PTPRN2: variants seen among roughly 807,000 people sequenced by gnomAD.
PTPRN2 encodes receptor-type tyrosine-protein phosphatase N2.
A neutral mutation model predicts 118.8 loss-of-function variants in PTPRN2; 74 were observed. The observed-to-expected ratio is 0.62, with a 90% CI of 0.52 to 0.76. The LOEUF (loss-of-function observed/expected upper bound fraction) is 0.76. Among genes scored for constraint, PTPRN2 ranks in the 30% least tolerant of loss-of-function variants. PTPRN2 has a pLI of 0.00. For synonymous variants in PTPRN2, 641 were observed against 608.0 expected (o/e 1.05, Z -0.80); for missense variants, 1,481 against 1,394.4 (o/e 1.06, Z -0.99).
chr7:158,285,004 G>A (rs575796732), intron 3 of PTPRN2, among the ~76,000 whole-genome samples: 1 of 152,292 alleles, frequency 6.6e-6, no homozygotes, highest in African/African-American at 2.4e-5. Context: ...GGTACAAAAA[G>A]GATGACAGGA....
intron 12 of PTPRN2, among the ~76,000 whole-genome samples, chr7:157,683,970 T>C (rs1797038724): frequency 6.6e-6 from 1 of 152,062 alleles, no homozygotes; most frequent in Non-Finnish European, 1.5e-5. Flanking sequence ...AATGGATTTT[T>C]CCCCATGAAT....
At position 158,467,394 on chromosome 7, in the gene PTPRN2, C is replaced by T. The variant is rs567765434; in HGVS notation, c.163+22341G>A. ...TCTATGGTTTTTCAACATTTTCTCC[C>T]GCCCTGTAGGCTGCCTTTTCATTTT... On this transcript the variant is annotated intron_variant, in intron 2 of 22. Transcript: ENST00000389418. Among the ~76,000 whole-genome samples, 81 of 152,122 alleles carry T rather than the reference C, an allele frequency of 5.3e-4. 1 individual carries two copies. The South Asian group carries it at 0.016, about 30-fold the overall frequency.
intron 2 of PTPRN2, among the ~76,000 whole-genome samples, chr7:158,321,480 G>T (rs73176156): frequency 6.6e-6 from 1 of 152,120 alleles, no homozygotes; most frequent in Non-Finnish European, 1.5e-5. Flanking sequence ...GGACTGACCC[G>T]TCCAGCTCTG....
chr7:158,194,177 CGT>C (rs748291800), intron 4 of PTPRN2, among the ~76,000 whole-genome samples: 12 of 152,254 alleles, frequency 7.9e-5, no homozygotes, highest in African/African-American at 2.9e-4. Context: ...GGTGTGAGTG[CGT>C]GTGTGCGTTT....
chr7:157,987,494 T>C lies in PTPRN2; in HGVS notation c.1724-88757A>G, dbSNP rs967915380. On this transcript the variant is annotated intron_variant, in intron 11 of 22. Coordinates refer to ENST00000389418, the MANE Select transcript of PTPRN2 (RefSeq NM_002847.5). The surrounding 1 kb of genome is among the most constrained non-coding windows in gnomAD (Gnocchi z 4.3). Reference sequence around the variant, plus strand: ...CGGTCACTAATAGGGTGTGATGACCTGTCAGTCATTATCTCTTGCATAAGA... The same window carrying C: ...CGGTCACTAATAGGGTGTGATGACCCGTCAGTCATTATCTCTTGCATAAGA... Among the ~76,000 whole-genome samples, 5 of 152,102 alleles carry C rather than the reference T, an allele frequency of 3.3e-5. No individual in the cohort carries two copies.
chr7:157,946,102 A>G (rs1008473792), intron 11 of PTPRN2, among the ~76,000 whole-genome samples: 16 of 152,062 alleles, frequency 1.1e-4, no homozygotes, highest in Admixed American at 8.5e-4. Context: ...TCTCTTTCCC[A>G]CTTTGCCTCT....
At chr7:157,645,666 G>A (rs1159821811) in intron 14 of PTPRN2, among the ~76,000 whole-genome samples, 1 of 152,150 alleles carries the variant, frequency 6.6e-6, no homozygotes, top group African/African-American at 2.4e-5. Context: ...CTCATGCAGG[G>A]CCCTCTCCTG....
chr7:158,313,126 CTG>C lies in PTPRN2; in HGVS notation c.277+3691_277+3692del, dbSNP rs773623474. ...TGTGCAAGTGTGTGTGCAAATGTGT[CTG>C]TGTCTACACGTGAGCATGTGAATGC... On this transcript the variant is annotated intron_variant, in intron 3 of 22. Coordinates refer to ENST00000389418, the MANE Select transcript of PTPRN2 (RefSeq NM_002847.5). Among the ~76,000 whole-genome samples, 119 of 151,420 alleles carry C rather than the reference CTG, an allele frequency of 7.9e-4. 3 individuals are homozygous for C. Among genetic ancestry groups the C allele is most frequent in the Admixed American group, 7.6e-3 (116 of 15,288 alleles).
intron 1 of PTPRN2, among the ~76,000 whole-genome samples, chr7:158,505,055 T>C (rs1015490184): frequency 2.6e-5 from 4 of 152,202 alleles, no homozygotes; most frequent in African/African-American, 7.2e-5. Flanking sequence ...CCTCACCCTA[T>C]AGGGTTGCCG....
In PTPRN2 at chr7:158,487,864, T is replaced by TAA. The variant is rs200400079; in HGVS notation, c.163+1869_163+1870dup. Among the ~76,000 whole-genome samples the TAA allele has an allele frequency of 8.1e-4, 120 of 147,840 alleles. 3 individuals are homozygous for TAA. In the South Asian group the frequency reaches 0.011, roughly 14 times the overall value. ...TGTTTCCTAGACCTTCAGTGCATCA[T>TAA]AAAAAAAAAAAATCAAATATCATCT... On this transcript the variant is annotated intron_variant, in intron 2 of 22. Coordinates refer to ENST00000389418, the MANE Select transcript of PTPRN2 (RefSeq NM_002847.5).
intron 1 of PTPRN2, among the ~76,000 whole-genome samples, chr7:158,537,213 G>C (rs1289434952): frequency 6.9e-6 from 1 of 144,640 alleles, no homozygotes; most frequent in East Asian, 2.3e-4. Flanking sequence ...TTAAGCCCGA[G>C]GCTGCAGCAT....
At chr7:157,558,031 A>C (rs899448039) in intron 21 of PTPRN2, among the ~76,000 whole-genome samples, 1 of 118,068 alleles carries the variant, frequency 8.5e-6, no homozygotes, top group Admixed American at 8.6e-5. Context: ...GGCAGCATCA[A>C]CGCGGAGACA....
chr7:157,748,624 A>G (rs1389392235), intron 12 of PTPRN2, among the ~76,000 whole-genome samples: 10 of 108,558 alleles, frequency 9.2e-5, no homozygotes, highest in East Asian at 3.1e-4. Flanking sequence ...TGGGCTGTTG[A>G]CGTGATTCTG....
At position 158,151,536 on chromosome 7, in the gene PTPRN2, C is replaced by T. The variant is rs114250130; in HGVS notation, c.911-13021G>A. Among the ~76,000 whole-genome samples the T allele has an allele frequency of 9.9e-5, 15 of 151,298 alleles. 1 individual carries two copies. The highest frequency in any genetic ancestry group is 2.7e-4 in the African/African-American group (11 of 40,776). On this transcript the variant is annotated intron_variant, in intron 6 of 22. Transcript: ENST00000389418. ...TCCTCACCGCACGTCCTACTCCAGG[C>T]GATCTGCAGGCAGCCTCTTACTCTG...
chr7:158,399,409 T>C (rs971055357), intron 2 of PTPRN2, among the ~76,000 whole-genome samples: 3 of 152,206 alleles, frequency 2.0e-5, no homozygotes, highest in African/African-American at 7.2e-5. Context: ...CTCAGTGTTT[T>C]GGGAGGCCAA....
intron 1 of PTPRN2, among the ~76,000 whole-genome samples, chr7:158,501,591 G>C (rs1026860521): frequency 1.3e-5 from 2 of 152,116 alleles, no homozygotes; most frequent in Non-Finnish European, 2.9e-5. Context: ...AGCAGTCGCA[G>C]GGGGGGACCT....
intron 12 of PTPRN2, among the ~76,000 whole-genome samples, chr7:157,871,581 G>A (rs949249519): frequency 6.6e-6 from 1 of 152,072 alleles, no homozygotes; most frequent in African/African-American, 2.4e-5. Flanking sequence ...GAGCAACCGG[G>A]ACTCACTGGC....
At chr7:158,340,673 C>G (rs1490531169) in intron 2 of PTPRN2, among the ~76,000 whole-genome samples, 4 of 97,746 alleles carry the variant, frequency 4.1e-5, no homozygotes, top group East Asian at 3.2e-4. Context: ...CACTCACACC[C>G]ACACTCTCAC....
intron 3 of PTPRN2, among the ~76,000 whole-genome samples, chr7:158,267,765 G>A (rs1301792051): frequency 1.3e-5 from 2 of 152,126 alleles, no homozygotes; most frequent in Admixed American, 1.3e-4. Context: ...CAAACCAAGG[G>A]CAGCAAAAAA....
Sources: gnomAD v4.1 joint callset for allele counts (sites outside exome capture counted in the v4.1 genomes callset) on GRCh38, gnomAD v4.1.1 for gene constraint, Gnocchi (gnomAD v3.1) non-coding constraint, MANE v1.5 for transcripts, NCBI Gene and HGNC (gene_info 2026-07-23, HGNC 2026-07-21) for gene names.